COPS5: variants seen among roughly 807,000 people sequenced by gnomAD.
COPS5 encodes COP9 signalosome complex subunit 5.
In COPS5, 8 loss-of-function variants were observed where a neutral mutation model predicts 44.4. The ratio of observed to expected loss-of-function variants is 0.18; its 90% CI spans 0.11 to 0.32. The LOEUF (loss-of-function observed/expected upper bound fraction) is 0.32, where lower values mean the gene tolerates loss of function less well. Ranked by LOEUF, COPS5 falls within the 10% of genes least tolerant of loss-of-function variation. COPS5 has a pLI of 1.00. For missense variants in COPS5, 159 were observed against 406.4 expected, an observed-to-expected ratio of 0.39 and a Z score of 5.23; for synonymous variants, 122 against 142.8, an observed-to-expected ratio of 0.85 and a Z score of 1.04.
chr8:67,046,780 G>A (rs184622864), intron 6 of COPS5, among the ~76,000 whole-genome samples: 2,798 of 127,678 alleles, frequency 0.022, 29 homozygotes, highest in Middle Eastern at 0.047. Context: ...CCGAGATTGC[G>A]CCATTGTACT....
intron 4 of COPS5, among the ~76,000 whole-genome samples, chr8:67,057,057 T>C (rs917588691): frequency 2.0e-5 from 3 of 152,220 alleles, no homozygotes; most frequent in South Asian, 2.1e-4. Flanking sequence ...ATTAACAATA[T>C]ATAACATAAA....
At chr8:67,053,050 T>C (rs1804442353) in intron 5 of COPS5, among the ~76,000 whole-genome samples, 1 of 151,912 alleles carries the variant, frequency 6.6e-6, no homozygotes, top group Admixed American at 6.6e-5. Flanking sequence ...ACTCAGAGGT[T>C]AGTGGTGCGA....
chr8:67,043,625 A>C (rs1816664730), intron 7 of COPS5: 1 of 175,972 alleles, frequency 5.7e-6, no homozygotes, highest in South Asian at 2.0e-4. Flanking sequence ...ATTATATTAT[A>C]TTAAAATCTG....
chr8:67,058,667 G>A (rs560053191), intron 2 of COPS5, among the ~76,000 whole-genome samples: 37 of 151,832 alleles, frequency 2.4e-4, no homozygotes, highest in Middle Eastern at 3.4e-3. Context: ...TTTTAAACAC[G>A]TATCTGATAA....
intron 1 of COPS5, chr8:67,060,977 A>C (rs760244919): frequency 2.4e-5 from 4 of 165,590 alleles, no homozygotes; most frequent in Non-Finnish European, 2.6e-5. Flanking sequence ...AGGCAGTAGA[A>C]GTATGTCCTC....
intron 5 of COPS5, among the ~76,000 whole-genome samples, chr8:67,054,550 TAA>T (rs1335881807): frequency 6.6e-6 from 1 of 151,830 alleles, no homozygotes; most frequent in African/African-American, 2.4e-5. Context: ...CCATCTGAAA[TAA>T]AAAAACAGGA....
At chr8:67,061,533 C>T (rs1804626690) in intron 1 of COPS5, 2 of 437,544 alleles carry the variant, frequency 4.6e-6, no homozygotes, top group East Asian at 1.2e-4. Flanking sequence ...TAGTTGAAGA[C>T]CCAAACAAGG....
At position 67,058,011 on chromosome 8, in the gene COPS5, C is replaced by G. The variant is rs1324742337; in HGVS notation, c.507+72G>C. 5 of 1,510,322 alleles carry G rather than the reference C, an allele frequency of 3.3e-6. No homozygotes were observed. In the Admixed American group the frequency reaches 5.1e-5, roughly 15 times the overall value. The allele number at this position is 1,510,322 out of a possible 1,614,324, so 93.6% of individuals were successfully genotyped here. A position where few individuals can be genotyped will look rare whatever the true frequency, so the allele number is the denominator to read the frequency against. ...AGCAATTTCTCTTTACTACACTATT[C>G]TTATTTCTCAGTATACTTGCTTCAG... On this transcript the variant is annotated intron_variant, in intron 3 of 7. Transcript: ENST00000357849.
chr8:67,049,921 A>G (rs1804373170), intron 6 of COPS5, among the ~76,000 whole-genome samples: 3 of 152,234 alleles, frequency 2.0e-5, no homozygotes, highest in Admixed American at 6.5e-5. Context: ...AGTTCTAAAT[A>G]TAGAGAAGTT....
Position 67,062,044 on chromosome 8 carries a change from T to G in COPS5, c.-48A>C. On this transcript the variant is annotated 5_prime_UTR_variant, in exon 1 of 8. Transcript: ENST00000357849. ...TCGTCTCTACAACCAAGACGCAACT[T>G]TACCTCGCTAGGTTTCCGGGTGTGG... 1 of 1,613,500 alleles carries G rather than the reference T, an allele frequency of 6.2e-7. No individual in the cohort carries two copies. The highest frequency in any genetic ancestry group is 8.5e-7 in the Non-Finnish European group (1 of 1,179,880).
At chr8:67,046,043 C>G (rs1024078114) in intron 6 of COPS5, 83 bp from the exon 7 acceptor site, 8 of 1,321,078 alleles carry the variant, frequency 6.1e-6, no homozygotes, top group Non-Finnish European at 8.4e-6. Context: ...AACTAATTTT[C>G]TACAAAGAAT....
chr8:67,046,562 T>C (rs750739929), intron 6 of COPS5, among the ~76,000 whole-genome samples: 8 of 152,102 alleles, frequency 5.3e-5, no homozygotes, highest in Admixed American at 1.3e-4. Context: ...GGCTCATGCC[T>C]GTAATCCCAG....
At chr8:67,052,577 C>A (rs1402920790) in intron 5 of COPS5, among the ~76,000 whole-genome samples, 2 of 151,492 alleles carry the variant, frequency 1.3e-5, no homozygotes, top group Non-Finnish European at 2.9e-5. Context: ...TCCACCATGC[C>A]CAGCTAATTT....
rs373026765 is a variant in COPS5 at position 67,050,147 on chromosome 8, G to A, written c.771+1083C>T. ...CTCCCGCGCAGCTGGGACTACAGGC[G>A]CCCACCACCTCGCCCGGCTAATTTT... On this transcript the variant is annotated intron_variant, in intron 6 of 7. Transcript: ENST00000357849. 1.5e-4 allele frequency among the ~76,000 whole-genome samples: 23 copies of A among 151,980 alleles called. 1 individual carries two copies. Among genetic ancestry groups the A allele is most frequent in the Non-Finnish European group, 2.9e-4 (20 of 67,982 alleles).
intron 5 of COPS5, among the ~76,000 whole-genome samples, chr8:67,055,506 C>T (rs1804489369): frequency 6.6e-6 from 1 of 152,100 alleles, no homozygotes. Flanking sequence ...AGAAAACTGT[C>T]CCCATTGGCT....
At chr8:67,052,867 G>A (rs1178733124) in intron 5 of COPS5, among the ~76,000 whole-genome samples, 2 of 151,636 alleles carry the variant, frequency 1.3e-5, no homozygotes, top group African/African-American at 2.4e-5. Flanking sequence ...GTAGATACCC[G>A]GGACTCTTGG....
At position 67,062,111 on chromosome 8, in the gene COPS5, C is replaced by T. The variant is rs777127654; in HGVS notation, c.-115G>A. 1.3e-6 allele frequency: 2 copies of T among 1,560,416 alleles called. No homozygotes were observed. The highest frequency in any genetic ancestry group is 1.2e-5 in the South Asian group (1 of 86,416). On this transcript the variant is annotated 5_prime_UTR_variant, in exon 1 of 8. Transcript: ENST00000357849. ...CCACGGGAACAAACTCTTACCTAGA[C>T]TCTTGGGGCAGCCATGACACCTAGA...
At chr8:67,047,315 A>G (rs953835855) in intron 6 of COPS5, among the ~76,000 whole-genome samples, 1 of 152,178 alleles carries the variant, frequency 6.6e-6, no homozygotes, top group Non-Finnish European at 1.5e-5. Flanking sequence ...TACAAACTTA[A>G]TATTTTTTAA....
rs1804537342 is a variant in COPS5, at chr8:67,058,031, C to A, written c.507+52G>T. The A allele has an allele frequency of 9.4e-6, 15 of 1,588,350 alleles. 1 individual carries two copies. The South Asian group carries it at 1.5e-4, about 16-fold the overall frequency. ...CTATTCTTATTTCTCAGTATACTTGCTTCAGCAAATCTTCATAAAGAACTT... is the reference window on the plus strand; with the variant it reads ...CTATTCTTATTTCTCAGTATACTTGATTCAGCAAATCTTCATAAAGAACTT... On this transcript the variant is annotated intron_variant, in intron 3 of 7. Coordinates refer to ENST00000357849, the MANE Select transcript of COPS5 (RefSeq NM_006837.3).
Sources: allele counts gnomAD v4.1 joint callset (sites outside exome capture counted in the v4.1 genomes callset), GRCh38; gene constraint gnomAD v4.1.1; transcripts MANE v1.5; gene names NCBI Gene and HGNC (gene_info 2026-07-23, HGNC 2026-07-21).